The following DCDC1 variants were observed in gnomAD, a reference collection of about 807,000 sequenced individuals.
The protein encoded by DCDC1 is doublecortin domain-containing protein 1.
A neutral mutation model predicts 178.3 loss-of-function variants in DCDC1; 200 were observed. The ratio of observed to expected loss-of-function variants is 1.12; its 90% CI spans 1.00 to 1.26. The LOEUF is 1.26. Ranked by LOEUF, DCDC1 falls within the 50% of genes most tolerant of loss-of-function variation. The pLI is 0.00. For synonymous variants in DCDC1, 690 were observed against 604.8 expected (o/e 1.14, Z -2.07); for missense variants, 1,983 against 1,749.2 (o/e 1.13, Z -2.38).
intron 20 of DCDC1, among the ~76,000 whole-genome samples, chr11:30,977,371 T>C (rs962713599): frequency 3.3e-5 from 5 of 152,266 alleles, no homozygotes; most frequent in African/African-American, 9.6e-5. Context: ...AAATACTCAA[T>C]GGGACACCCC....
At chr11:31,178,793 A>G (rs1968409469) in intron 9 of DCDC1, among the ~76,000 whole-genome samples, 1 of 152,132 alleles carries the variant, frequency 6.6e-6, no homozygotes, top group South Asian at 2.1e-4. Flanking sequence ...CCTGGGTTCA[A>G]GCAATTCTCC....
chr11:31,164,905 G>A (rs1966635239), intron 9 of DCDC1, among the ~76,000 whole-genome samples: 1 of 152,134 alleles, frequency 6.6e-6, no homozygotes, highest in South Asian at 2.1e-4. Flanking sequence ...GCCATTCGTG[G>A]TAAGTGCCCT....
At chr11:31,280,728 T>C (rs1172317363) in intron 7 of DCDC1, 1 of 586,882 alleles carries the variant, frequency 1.7e-6, no homozygotes, top group East Asian at 4.1e-5. Flanking sequence ...GCCTTCTTCT[T>C]AATGCCGGCA....
intron 8 of DCDC1, among the ~76,000 whole-genome samples, chr11:31,244,129 TA>T (rs1026643553): frequency 1.3e-5 from 2 of 151,752 alleles, no homozygotes; most frequent in African/African-American, 4.8e-5. Flanking sequence ...TACGTTATAC[TA>T]AAAAATAATA....
At chr11:31,321,439 T>A (rs1434371201) in intron 3 of DCDC1, among the ~76,000 whole-genome samples, 2 of 151,224 alleles carry the variant, frequency 1.3e-5, no homozygotes, top group African/African-American at 4.9e-5. Flanking sequence ...CGTCACCCCT[T>A]TCTTTGACTT....
chr11:31,296,771 A>C (rs926072062), intron 6 of DCDC1, among the ~76,000 whole-genome samples: 8 of 152,200 alleles, frequency 5.3e-5, no homozygotes, highest in African/African-American at 1.7e-4. Context: ...AAAGAAGGAG[A>C]AGTGCAGAGC....
intron 9 of DCDC1, among the ~76,000 whole-genome samples, chr11:31,208,765 T>C (rs1457191211): frequency 6.6e-6 from 1 of 152,172 alleles, no homozygotes; most frequent in Non-Finnish European, 1.5e-5. Context: ...CAATTGCTTT[T>C]GCTTCTTCTG....
intron 9 of DCDC1, among the ~76,000 whole-genome samples, chr11:31,171,640 T>G (rs1334686546): frequency 6.6e-6 from 1 of 152,190 alleles, no homozygotes; most frequent in Non-Finnish European, 1.5e-5. Flanking sequence ...AGACGATCAT[T>G]ATTTCCTTAA....
At chr11:31,194,093 C>T (rs1970413347) in intron 9 of DCDC1, among the ~76,000 whole-genome samples, 1 of 152,046 alleles carries the variant, frequency 6.6e-6, no homozygotes, top group Non-Finnish European at 1.5e-5. Flanking sequence ...TTCTTAGCCC[C>T]AGCACCACTG....
intron 7 of DCDC1, among the ~76,000 whole-genome samples, chr11:31,283,634 C>T (rs1230861518): frequency 2.6e-5 from 4 of 151,900 alleles, no homozygotes. Context: ...TCAACAAGAC[C>T]TCTCCTCTCC....
rs544896201 is a variant in DCDC1 at position 31,099,275 on chromosome 11, G to T, written c.1983+2902C>A. On this transcript the variant is annotated intron_variant, in intron 15 of 38. Coordinates refer to ENST00000684477, the MANE Select transcript of DCDC1 (RefSeq NM_001387274.1). The stretch of plus-strand genomic sequence containing the variant: ...GACAGGGATGATCAGGATGTCCTTT[G>T]CCTTTGAGAAATTTCCAATCTAGCA... Among the ~76,000 whole-genome samples the T allele has an allele frequency of 1.5e-4, 23 of 152,286 alleles. No individual in the cohort carries two copies. In the South Asian group the frequency reaches 4.3e-3, roughly 29 times the overall value.
At chr11:30,976,461 A>T (rs1157850930) in intron 20 of DCDC1, among the ~76,000 whole-genome samples, 1 of 152,146 alleles carries the variant, frequency 6.6e-6, no homozygotes, top group African/African-American at 2.4e-5. Context: ...TCCAGAATAT[A>T]CAAGGAACTT....
chr11:30,900,340 A>C lies in DCDC1; in HGVS notation c.4663+6T>G. The C allele has an allele frequency of 6.6e-7, 1 of 1,509,344 alleles. No homozygotes were observed. The highest frequency in any genetic ancestry group is 2.4e-5 in the East Asian group (1 of 42,102). The allele number at this position is 1,509,344 out of a possible 1,614,324, so 93.5% of individuals were successfully genotyped here. A position where few individuals can be genotyped will look rare whatever the true frequency, so the allele number is the denominator to read the frequency against. On this transcript the variant is annotated splice_donor_region_variant and intron_variant, in intron 33 of 38. Transcript: ENST00000684477. ...GCTTGAAAGAAAGCAAAAACAAAAA[A>C]GTTACCATTTGGAGGTAGAAATGGT...
chr11:30,903,493 T>C lies in DCDC1; in HGVS notation c.4499A>G (p.Glu1500Gly). The change falls in exon 32 of 39, where the codon GAA becomes GGA. Residue 1500 changes from glutamate (E) to glycine (G), a missense_variant. By Grantham distance (98) the Glu-to-Gly change is moderately conservative. Transcript: ENST00000684477. Reference protein sequence around the residue: ...APVGKEQIIVESMEENPRMKV... With the variant: ...APVGKEQIIVGSMEENPRMKV... Reference sequence around the variant, plus strand: ...AGATTGTAGCCAACCTTCCATACTTTCAACAATTATCTGTTCTTTTCCAAC... The same window carrying C: ...AGATTGTAGCCAACCTTCCATACTTCCAACAATTATCTGTTCTTTTCCAAC... 6.3e-7 allele frequency: 1 copy of C among 1,595,552 alleles called. No homozygotes were observed. The highest frequency in any genetic ancestry group is 8.5e-7 in the Non-Finnish European group (1 of 1,170,088).
chr11:31,055,401 A>G (rs1378618255), intron 20 of DCDC1, among the ~76,000 whole-genome samples: 1 of 152,206 alleles, frequency 6.6e-6, no homozygotes, highest in African/African-American at 2.4e-5. Flanking sequence ...AACTAGTACA[A>G]TCACTATGTT....
intron 20 of DCDC1, among the ~76,000 whole-genome samples, chr11:30,976,575 G>C (rs1211755366): frequency 6.6e-6 from 1 of 151,610 alleles, no homozygotes; most frequent in Non-Finnish European, 1.5e-5. Context: ...ACAGGCATTT[G>C]AAAAAATACT....
chr11:30,903,223 C>T (rs1381747915), intron 32 of DCDC1, among the ~76,000 whole-genome samples: 2 of 152,044 alleles, frequency 1.3e-5, no homozygotes, highest in Non-Finnish European at 2.9e-5. Flanking sequence ...GCTGAACTGT[C>T]AAACATATTT....
intron 11 of DCDC1, among the ~76,000 whole-genome samples, chr11:31,124,261 G>C (rs933258429): frequency 6.6e-6 from 1 of 151,968 alleles, no homozygotes; most frequent in Non-Finnish European, 1.5e-5. Context: ...GGGATTTTCT[G>C]CATCTCTTGA....
At position 30,892,834 on chromosome 11, in the gene DCDC1, C is replaced by A; in HGVS notation, c.5066G>T (p.Gly1689Val). ...GRPEDGTYAW[G>V]KTISELLQDC... is the part of the protein sequence containing the mutation. ...TAGATTTACCTCTGAAATAGTTTTG[C>A]CCCAGGCATAAGTGCCATCTTCAGG... The change falls in exon 36 of 39, where the codon GGC becomes GTC. Residue 1689 changes from glycine to valine, a missense_variant. Gly to Val is a moderately radical substitution (Grantham distance 109). Transcript: ENST00000684477. 6.2e-7 allele frequency: 1 copy of A among 1,613,820 alleles called. No homozygotes were observed. The highest frequency in any genetic ancestry group is 8.5e-7 in the Non-Finnish European group (1 of 1,179,794).
Sources: allele counts gnomAD v4.1 joint callset (sites outside exome capture counted in the v4.1 genomes callset), GRCh38; gene constraint gnomAD v4.1.1; transcripts MANE v1.5; gene names NCBI Gene and HGNC (gene_info 2026-07-23, HGNC 2026-07-21).